Variants in ABCC11 observed in about 807,000 individuals in gnomAD.
ABCC11 encodes ATP-binding cassette sub-family C member 11.
ABCC11 carries 135 observed loss-of-function variants against 149.3 expected under a neutral mutation model. The observed-to-expected ratio is 0.90, with a 90% confidence interval of 0.79 to 1.04. The LOEUF is 1.04. Among genes scored for constraint, ABCC11 ranks in the 50% least tolerant of loss-of-function variants. ABCC11 has a pLI of 0.00. For missense variants in ABCC11, 1,680 were observed against 1,722.1 expected (o/e 0.98, Z 0.43); for synonymous variants, 665 against 671.4 (o/e 0.99, Z 0.15).
At position 48,203,889 on chromosome 16, in the gene ABCC11, TAC is replaced by T. The variant is rs552221958; in HGVS notation, c.1806-591_1806-590del. On this transcript the variant is annotated intron_variant, in intron 13 of 29. Transcript: ENST00000356608. ...CGTCTCAAAAAAAAGCAGCCACTAT[TAC>T]AGTGTCTTACGTATTTATTCAGAAA... Among the ~76,000 whole-genome samples the T allele has an allele frequency of 6.6e-5, 10 of 152,338 alleles. No individual in the cohort carries two copies. In the East Asian group the frequency reaches 1.7e-3, roughly 26 times the overall value.
intron 1 of ABCC11, among the ~76,000 whole-genome samples, chr16:48,234,547 A>G (rs973956503): frequency 2.6e-5 from 4 of 152,094 alleles, no homozygotes; most frequent in Non-Finnish European, 5.9e-5. Flanking sequence ...TCATTTTCCA[A>G]TTCACTTCTA....
intron 23 of ABCC11, among the ~76,000 whole-genome samples, chr16:48,182,232 GCACATACATGCACTCCTA>G (rs1356329118): frequency 2.0e-5 from 3 of 152,208 alleles, no homozygotes; most frequent in Non-Finnish European, 4.4e-5. Flanking sequence ...ATGTGCTCCT[GCACATACATGCACTCCTA>G]CACATACATG....
Position 48,196,290 on chromosome 16 carries a change from C to T in ABCC11, c.2346G>A (p.Glu782=), listed in dbSNP as rs2150801804. 6.2e-7 allele frequency: 1 copy of T among 1,614,100 alleles called. No homozygotes were observed. The highest frequency in any genetic ancestry group is 8.5e-7 in the Non-Finnish European group (1 of 1,179,974). ...VPEHQLTQEE[E]MEEGSLSWRV... is the part of the protein sequence containing the mutation. ...TCCAACTCAAGGAGCCTTCTTCCATCTCCTCCTCCTGTGTGAGCTGATGCT... is the reference window on the plus strand; with the variant it reads ...TCCAACTCAAGGAGCCTTCTTCCATTTCCTCCTCCTGTGTGAGCTGATGCT... The change falls in exon 18 of 30, where the codon GAG becomes GAA. Residue 782 remains glutamate, a synonymous_variant. Transcript: ENST00000356608.
At position 48,193,376 on chromosome 16, in the gene ABCC11, C is replaced by T. The variant is rs540735514; in HGVS notation, c.2508+503G>A. On this transcript the variant is annotated intron_variant, in intron 19 of 29. Coordinates refer to ENST00000356608, the MANE Select transcript of ABCC11 (RefSeq NM_001370497.1). ...GATTCTAAGCACCAAGTTCAAGTTC[C>T]GGCCCTGTCCTGTCCTAGGGCAGGT... is the stretch of plus-strand genomic sequence containing the variant. Among the ~76,000 whole-genome samples, 10 of 152,270 alleles carry T rather than the reference C, an allele frequency of 6.6e-5. No individual in the cohort carries two copies. In the South Asian group the frequency reaches 1.0e-3, roughly 16 times the overall value.
At chr16:48,195,974 A>AT (rs926457885) in intron 18 of ABCC11, among the ~76,000 whole-genome samples, 10 of 151,974 alleles carry the variant, frequency 6.6e-5, no homozygotes, top group African/African-American at 1.9e-4. Flanking sequence ...TGTCTATTCT[A>AT]TTTTTTTTAA....
intron 18 of ABCC11, among the ~76,000 whole-genome samples, chr16:48,195,001 AG>A (rs2088349616): frequency 6.6e-6 from 1 of 152,228 alleles, no homozygotes. Context: ...AGTTAAGGGC[AG>A]GAAAAGGCAG....
rs200580227 is a variant in ABCC11, at chr16:48,200,514, C to A, written c.1879-35G>T. On this transcript the variant is annotated intron_variant, in intron 14 of 29. Transcript: ENST00000356608. ...GGCAGTAAAAGGCACCATGTCCAGA[C>A]AGCAAGCACAGCCAGGTGTGCTCAA... 3.1e-6 allele frequency: 5 copies of A among 1,601,932 alleles called. No individual in the cohort carries two copies. The African/African-American group carries it at 5.4e-5, about 17-fold the overall frequency.
chr16:48,186,264 C>T (rs1389568175), intron 22 of ABCC11, among the ~76,000 whole-genome samples: 2 of 152,208 alleles, frequency 1.3e-5, no homozygotes, highest in Non-Finnish European at 2.9e-5. Context: ...CACCTCCTCC[C>T]GAAAGCCTTA....
chr16:48,205,444 T>G lies in ABCC11; in HGVS notation c.1774A>C (p.Ile592Leu), dbSNP rs756389374. 9.3e-6 allele frequency: 15 copies of G among 1,614,140 alleles called. No individual in the cohort carries two copies. In the South Asian group the frequency reaches 1.6e-4, roughly 18 times the overall value. Reference sequence around the variant, plus strand: ...TTGTCATATGCGCCTCCCATGAGGATGTTCTCCCTGATGTTCCCGCTGACG... The same window carrying G: ...TTGTCATATGCGCCTCCCATGAGGAGGTTCTCCCTGATGTTCCCGCTGACG... ...WIVSGNIREN[I>L]LMGGAYDKAR... The change falls in exon 13 of 30, where the codon ATC becomes CTC. Residue 592 changes from isoleucine (I) to leucine (L), a missense_variant. Physicochemically the swap from Ile to Leu is conservative, Grantham distance 5. Coordinates refer to ENST00000356608, the MANE Select transcript of ABCC11 (RefSeq NM_001370497.1).
At chr16:48,198,112 G>A (rs749449773) in intron 16 of ABCC11, 29 bp downstream of exon 16, 3 of 1,614,184 alleles carry the variant, frequency 1.9e-6, no homozygotes, top group Non-Finnish European at 8.5e-7. Flanking sequence ...GTCCACCGTG[G>A]GTAGTGAGGG....
chr16:48,230,714 C>G, intron 2 of ABCC11, 141 bp from the exon 3 acceptor site: 1 of 1,030,680 alleles, frequency 9.7e-7, no homozygotes, highest in Non-Finnish European at 1.3e-6. Flanking sequence ...CGAGAATAAG[C>G]AGGGGACCGA....
At chr16:48,239,259 A>G (rs748536778) in intron 1 of ABCC11, among the ~76,000 whole-genome samples, 2 of 152,052 alleles carry the variant, frequency 1.3e-5, no homozygotes, top group African/African-American at 4.8e-5. Flanking sequence ...TGTAAAACCC[A>G]AAACTATAAA....
chr16:48,238,474 T>C (rs896240786), intron 1 of ABCC11, among the ~76,000 whole-genome samples: 2 of 152,140 alleles, frequency 1.3e-5, no homozygotes, highest in Non-Finnish European at 2.9e-5. Context: ...GAATGGACTT[T>C]CAACTCCTTC....
intron 15 of ABCC11, among the ~76,000 whole-genome samples, chr16:48,199,661 CTTTTTTATTGATTTTTTTTTT>C (rs1370251866): frequency 5.5e-5 from 7 of 127,240 alleles, no homozygotes; most frequent in Non-Finnish European, 1.2e-4. Context: ...CTTTTCTTTT[CTTTTTTATTGATTTTTTTTTT>C]TTTTTTTTTT....
intron 1 of ABCC11, among the ~76,000 whole-genome samples, chr16:48,243,967 C>T (rs1045099709): frequency 3.4e-5 from 5 of 148,926 alleles, no homozygotes; most frequent in Non-Finnish European, 6.0e-5. Context: ...ACTCCAGCCT[C>T]CGCGACAGAG....
intron 9 of ABCC11, among the ~76,000 whole-genome samples, chr16:48,214,323 C>A (rs1969163762): frequency 6.6e-6 from 1 of 152,104 alleles, no homozygotes; most frequent in Admixed American, 6.5e-5. Flanking sequence ...GGCCAGCCAT[C>A]TGGGGCACAC....
rs543009771 is a variant in ABCC11, at chr16:48,193,620, G to C, written c.2508+259C>G. On this transcript the variant is annotated intron_variant, in intron 19 of 29. Transcript: ENST00000356608. ...ACTGCAGTGGAATGCAAAGATTCTT[G>C]GGGCACTGTCTGGGGATATAAATCT... is the stretch of plus-strand genomic sequence containing the variant. 5.3e-5 allele frequency among the ~76,000 whole-genome samples: 8 copies of C among 152,330 alleles called. No individual in the cohort carries two copies. The East Asian group carries it at 1.5e-3, about 29-fold the overall frequency.
chr16:48,230,431 A>C lies in ABCC11; in HGVS notation c.236+6T>G, dbSNP rs761550920. 1 of 1,599,970 alleles carries C rather than the reference A, an allele frequency of 6.3e-7. No individual in the cohort carries two copies. The highest frequency in any genetic ancestry group is 8.5e-7 in the Non-Finnish European group (1 of 1,173,480). On this transcript the variant is annotated splice_donor_region_variant and intron_variant, in intron 3 of 29. Coordinates refer to ENST00000356608, the MANE Select transcript of ABCC11 (RefSeq NM_001370497.1). ...GCTCTCTCCCACCACCCCCATCAGG[A>C]CTCACCTCGGCTTGGGACGGAAGGG... is the stretch of plus-strand genomic sequence containing the variant.
chr16:48,231,802 G>C (rs1401461941), intron 2 of ABCC11, 21 bp downstream of exon 2: 1 of 1,611,986 alleles, frequency 6.2e-7, no homozygotes, highest in Non-Finnish European at 8.5e-7. Flanking sequence ...CTGGTGTGCT[G>C]ATGCTAAGAG....
Sources: gnomAD v4.1 joint callset for allele counts (sites outside exome capture counted in the v4.1 genomes callset) on GRCh38, gnomAD v4.1.1 for gene constraint, MANE v1.5 for transcripts, NCBI Gene and HGNC (gene_info 2026-07-23, HGNC 2026-07-21) for gene names.